Variants in HTN1 observed in about 807,000 individuals in gnomAD.
HTN1 encodes histatin 1, also known as histatin-1.
A neutral mutation model predicts 11.2 loss-of-function variants in HTN1; 18 were observed. The observed-to-expected ratio is 1.61, with a 90% CI of 1.12 to 2.39. The LOEUF is 2.39. HTN1 is among the 30% of genes most tolerant of loss of function. The probability of loss-of-function intolerance (pLI) is 0.00; values close to 1 mark genes in which losing one functional copy is unlikely to be tolerated. For synonymous variants in HTN1, 21 were observed against 20.5 expected (o/e 1.02, Z -0.07); for missense variants, 80 against 67.2 (o/e 1.19, Z -0.67).
At chr4:70,051,898 C>T (rs1056949404) in intron 1 of HTN1, among the ~76,000 whole-genome samples, 1 of 152,030 alleles carries the variant, frequency 6.6e-6, no homozygotes, top group African/African-American at 2.4e-5. Flanking sequence ...TAATGAATTA[C>T]TTTATAACTG....
At chr4:70,052,442 A>G (rs1042879516) in intron 1 of HTN1, among the ~76,000 whole-genome samples, 1 of 152,022 alleles carries the variant, frequency 6.6e-6, no homozygotes, top group Non-Finnish European at 1.5e-5. Flanking sequence ...TGTCCTCCCT[A>G]TGTGTTGAAC....
At chr4:70,054,558 T>C in intron 4 of HTN1, 108 bp downstream of exon 4, 1 of 728,932 alleles carries the variant, frequency 1.4e-6, no homozygotes, top group Middle Eastern at 3.9e-4. Flanking sequence ...TATCATTAAT[T>C]GCTAAAGTGC....
chr4:70,055,814 G>A, intron 5 of HTN1: 1 of 371,368 alleles, frequency 2.7e-6, no homozygotes, highest in Non-Finnish European at 4.9e-6. Flanking sequence ...ATGTTGTTTT[G>A]GTACTGGTAC....
chr4:70,055,750 G>A (rs1204642187), intron 5 of HTN1, 148 bp downstream of exon 5: 2 of 538,230 alleles, frequency 3.7e-6, no homozygotes, highest in Admixed American at 6.6e-5. Context: ...TGCTTCTGAA[G>A]CTGTAGATAT....
At chr4:70,055,083 G>A (rs568580949) in intron 4 of HTN1, among the ~76,000 whole-genome samples, 4 of 152,124 alleles carry the variant, frequency 2.6e-5, no homozygotes, top group African/African-American at 9.6e-5. Context: ...GAATGTAGGA[G>A]TTGTAAAGGA....
At chr4:70,053,580 C>T (rs936203908) in intron 2 of HTN1, among the ~76,000 whole-genome samples, 1 of 152,130 alleles carries the variant, frequency 6.6e-6, no homozygotes, top group Non-Finnish European at 1.5e-5. Flanking sequence ...TTTAATTCTT[C>T]CTAAAATAAA....
Position 70,055,553 on chromosome 4 carries a change from A to G in HTN1, c.158A>G (p.Tyr53Cys). Residue 53 changes from tyrosine (Y) to cysteine (C), a missense_variant, in exon 5 of 6, where the codon TAT (tyrosine) becomes TGT (cysteine). Physicochemically the swap from Tyr to Cys is radical, Grantham distance 194. Transcript: ENST00000246896. ...TTTTATGGGGACTATGGATCAAATT[A>G]TCTATATGACAATTGATATCCTTAG... is the stretch of plus-strand genomic sequence containing the variant. Reference protein sequence around the residue: ...FPFYGDYGSNYLYDN With the variant: ...FPFYGDYGSNCLYDN 2 of 1,577,658 alleles carry G rather than the reference A, an allele frequency of 1.3e-6. No individual in the cohort carries two copies. Among genetic ancestry groups the G allele is most frequent in the Non-Finnish European group, 1.7e-6 (2 of 1,147,758 alleles).
chr4:70,052,968 C>A, intron 1 of HTN1, 96 bp from the exon 2 acceptor site: 1 of 764,194 alleles, frequency 1.3e-6, no homozygotes, highest in South Asian at 1.5e-5. Flanking sequence ...CAGAGCATGT[C>A]TCCCAATGCT....
intron 5 of HTN1, 134 bp downstream of exon 5, chr4:70,055,736 T>C (rs534843662): frequency 7.1e-6 from 4 of 559,712 alleles, no homozygotes; most frequent in African/African-American, 5.7e-5. Context: ...TTCATTTGTA[T>C]AAATGCTTCT....
intron 2 of HTN1, among the ~76,000 whole-genome samples, chr4:70,053,564 C>G (rs1725954445): frequency 6.6e-6 from 1 of 152,106 alleles, no homozygotes; most frequent in African/African-American, 2.4e-5. Context: ...AGTCAGCATA[C>G]AATTATTTAA....
intron 5 of HTN1, chr4:70,056,730 A>G (rs1726052710): frequency 6.6e-6 from 1 of 151,272 alleles, no homozygotes; most frequent in South Asian, 2.1e-4. Flanking sequence ...GGCAAAGGAC[A>G]TGAACAGATA....
At chr4:70,056,449 A>T (rs373676259) in intron 5 of HTN1, 85 of 152,334 alleles carry the variant, frequency 5.6e-4, no homozygotes, top group African/African-American at 2.0e-3. Context: ...AAGAAAACTT[A>T]GGTGATACCA....
chr4:70,052,304 T>A (rs1725914587), intron 1 of HTN1, among the ~76,000 whole-genome samples: 1 of 152,142 alleles, frequency 6.6e-6, no homozygotes. Context: ...ATAAAGCCAG[T>A]CTCCATTGCT....
At chr4:70,052,241 C>T (rs1160102594) in intron 1 of HTN1, among the ~76,000 whole-genome samples, 1 of 152,142 alleles carries the variant, frequency 6.6e-6, no homozygotes, top group East Asian at 1.9e-4. Flanking sequence ...CTCAGGGTTA[C>T]ACCATCTGTG....
At chr4:70,055,717 T>G in intron 5 of HTN1, 115 bp downstream of exon 5, 1 of 590,302 alleles carries the variant, frequency 1.7e-6, no homozygotes, top group South Asian at 2.0e-5. Flanking sequence ...GTTAGCTCCT[T>G]GAAGTGTATT....
chr4:70,053,928 G>A (rs1725962474), intron 2 of HTN1, among the ~76,000 whole-genome samples: 1 of 152,096 alleles, frequency 6.6e-6, no homozygotes, highest in African/African-American at 2.4e-5. Flanking sequence ...TAAGAACAGA[G>A]TAAAGCATAA....
At chr4:70,054,382 C>A in intron 3 of HTN1, 39 bp from the exon 4 acceptor site, 1 of 1,528,760 alleles carries the variant, frequency 6.5e-7, no homozygotes, top group Non-Finnish European at 8.9e-7. Flanking sequence ...GATAAATAAA[C>A]ATATATTGAA....
intron 5 of HTN1, chr4:70,056,084 GT>G (rs1560436277): frequency 6.6e-6 from 1 of 152,278 alleles, no homozygotes; most frequent in East Asian, 1.9e-4. Flanking sequence ...AGAATGGAAT[GT>G]TTTTCCATTT....
intron 2 of HTN1, among the ~76,000 whole-genome samples, chr4:70,054,109 A>G (rs1319136472): frequency 2.5e-4 from 38 of 152,082 alleles, no homozygotes; most frequent in Non-Finnish European, 5.9e-5. Context: ...AACCAAAATG[A>G]GTTGATATTT....
Sources: gnomAD v4.1 joint callset for allele counts (sites outside exome capture counted in the v4.1 genomes callset) on GRCh38, gnomAD v4.1.1 for gene constraint, MANE v1.5 for transcripts, NCBI Gene and HGNC (gene_info 2026-07-23, HGNC 2026-07-21) for gene names.